The following MOB1B variants were observed in gnomAD, a reference collection of about 807,000 sequenced individuals.
MOB1B encodes the protein MOB kinase activator 1B, also known as MOB1 Mps One Binder homolog B.
In MOB1B, 19 loss-of-function variants were observed where a neutral mutation model predicts 24.4. The ratio of observed to expected loss-of-function variants is 0.78; its 90% CI spans 0.54 to 1.14. The LOEUF is 1.14. Ranked by LOEUF, MOB1B falls within the 50% of genes most tolerant of loss-of-function variation. MOB1B has a pLI of 0.00. For missense variants in MOB1B, 243 were observed against 259.6 expected (o/e 0.94, Z 0.44); for synonymous variants, 76 against 82.1 (o/e 0.93, Z 0.40).
chr4:70,948,383 C>A (rs1404013848), intron 1 of MOB1B, among the ~76,000 whole-genome samples: 1 of 152,116 alleles, frequency 6.6e-6, no homozygotes, highest in African/African-American at 2.4e-5. Flanking sequence ...TTTTTAGTAA[C>A]CATCTCCACA....
intron 2 of MOB1B, among the ~76,000 whole-genome samples, chr4:70,962,395 T>C (rs1738341171): frequency 2.0e-5 from 3 of 152,116 alleles, no homozygotes; most frequent in Admixed American, 2.0e-4. Flanking sequence ...GTGGTCCATA[T>C]AAATAGGCAG....
chr4:70,928,814 C>T (rs1736760373), intron 1 of MOB1B, among the ~76,000 whole-genome samples: 1 of 152,118 alleles, frequency 6.6e-6, no homozygotes, highest in African/African-American at 2.4e-5. Flanking sequence ...TCTTGAACTC[C>T]TAGGTTCAAG....
chr4:70,919,714 G>C (rs1050697143), intron 1 of MOB1B, among the ~76,000 whole-genome samples: 4 of 152,208 alleles, frequency 2.6e-5, no homozygotes, highest in African/African-American at 9.6e-5. Context: ...GGCCAGGCTG[G>C]TCTGGAACTC....
intron 3 of MOB1B, among the ~76,000 whole-genome samples, chr4:70,974,351 G>A (rs1738891190): frequency 6.6e-6 from 1 of 152,086 alleles, no homozygotes; most frequent in African/African-American, 2.4e-5. Context: ...TGATCCACGT[G>A]CCTCGGCCTC....
chr4:70,948,884 C>CT (rs1407372062), intron 1 of MOB1B, among the ~76,000 whole-genome samples: 1 of 152,116 alleles, frequency 6.6e-6, no homozygotes, highest in Admixed American at 6.5e-5. Context: ...AAATCCCTCC[C>CT]TCCACCATGC....
chr4:70,952,196 A>T (rs946856757), intron 1 of MOB1B, among the ~76,000 whole-genome samples: 2 of 152,038 alleles, frequency 1.3e-5, no homozygotes, highest in Non-Finnish European at 2.9e-5. Context: ...TAAATAAAGG[A>T]CTGATCAAAC....
intron 1 of MOB1B, among the ~76,000 whole-genome samples, chr4:70,913,757 G>A (rs777290740): frequency 3.9e-5 from 6 of 152,132 alleles, no homozygotes; most frequent in Non-Finnish European, 7.4e-5. Flanking sequence ...TATTTTGGTA[G>A]TATGTAGCTC....
chr4:70,942,976 G>C (rs10009894), intron 1 of MOB1B: 10,314 of 207,094 alleles, frequency 0.05, 510 homozygotes, highest in African/African-American at 0.14. Context: ...AGTGGGTTCG[G>C]GGAGTTCATT....
At chr4:70,951,514 G>A (rs188573297) in intron 1 of MOB1B, among the ~76,000 whole-genome samples, 12 of 152,278 alleles carry the variant, frequency 7.9e-5, no homozygotes, top group Admixed American at 5.2e-4. Context: ...TGTGAATATC[G>A]TGGATGTTTA....
intron 1 of MOB1B, 163 bp from the exon 2 acceptor site, chr4:70,958,708 ACAG>A (rs772129493): frequency 8.8e-6 from 7 of 798,034 alleles, no homozygotes; most frequent in Non-Finnish European, 1.3e-5. Context: ...TTAACTAGAC[ACAG>A]CAGAGAAAGT....
intron 1 of MOB1B, among the ~76,000 whole-genome samples, chr4:70,937,946 T>C (rs1314925162): frequency 6.6e-6 from 1 of 152,174 alleles, no homozygotes; most frequent in East Asian, 1.9e-4. Context: ...TTTAATTTCT[T>C]CTTTTTTTAA....
intron 1 of MOB1B, among the ~76,000 whole-genome samples, chr4:70,919,584 T>A (rs1736341106): frequency 6.6e-6 from 1 of 152,124 alleles, no homozygotes. Context: ...CTGCAACCTC[T>A]GCCTCCCGGG....
intron 2 of MOB1B, 99 bp from the exon 3 acceptor site, chr4:70,969,832 G>A: frequency 1.8e-6 from 1 of 567,360 alleles, no homozygotes; most frequent in Non-Finnish European, 3.1e-6. Flanking sequence ...TCTTTGTAGG[G>A]GAACGAACGC....
intron 1 of MOB1B, 67 bp from the exon 2 acceptor site, chr4:70,958,807 G>T: frequency 7.3e-7 from 1 of 1,369,954 alleles, no homozygotes. Flanking sequence ...TCTAATGCTT[G>T]GTGAATGACT....
chr4:70,962,114 C>T (rs1192315213), intron 2 of MOB1B, among the ~76,000 whole-genome samples: 1 of 151,972 alleles, frequency 6.6e-6, no homozygotes, highest in African/African-American at 2.4e-5. Flanking sequence ...GTCCTAGCTA[C>T]TCCAGAGGCT....
At chr4:70,947,420 A>C (rs1737629671) in intron 1 of MOB1B, among the ~76,000 whole-genome samples, 1 of 151,816 alleles carries the variant, frequency 6.6e-6, no homozygotes, top group Admixed American at 6.6e-5. Context: ...CAGACATCAC[A>C]TCCCTGGCTA....
chr4:70,958,603 A>C, intron 1 of MOB1B: 1 of 492,422 alleles, frequency 2.0e-6, no homozygotes, highest in Admixed American at 2.5e-5. Flanking sequence ...AAAGGAATAC[A>C]ATAACTAAAA....
chr4:70,975,605 T>G (rs1477762898), intron 4 of MOB1B: 1 of 971,326 alleles, frequency 1.0e-6, no homozygotes, highest in African/African-American at 1.7e-5. Flanking sequence ...TATTCTAGAT[T>G]AAAGTATCAC....
At chr4:70,962,048 A>G (rs1738328857) in intron 2 of MOB1B, among the ~76,000 whole-genome samples, 1 of 152,122 alleles carries the variant, frequency 6.6e-6, no homozygotes, top group Admixed American at 6.5e-5. Flanking sequence ...CAAAATCTGT[A>G]TCTACAAAAA....
Sources: allele counts gnomAD v4.1 joint callset (sites outside exome capture counted in the v4.1 genomes callset), GRCh38; gene constraint gnomAD v4.1.1; transcripts MANE v1.5; gene names NCBI Gene and HGNC (gene_info 2026-07-23, HGNC 2026-07-21).